Variants in SLC49A4 observed in about 807,000 individuals in gnomAD.
The protein encoded by SLC49A4 is solute carrier family 49 member 4.
A neutral mutation model predicts 50.6 loss-of-function variants in SLC49A4; 36 were observed. The ratio of observed to expected loss-of-function variants is 0.71; its 90% CI spans 0.55 to 0.94. The LOEUF (loss-of-function observed/expected upper bound fraction) is 0.94. Among genes scored for constraint, SLC49A4 ranks in the 40% least tolerant of loss-of-function variants. SLC49A4 has a pLI of 0.00. For missense variants in SLC49A4, 503 were observed against 605.7 expected (o/e 0.83, Z 1.78); for synonymous variants, 248 against 241.2 (o/e 1.03, Z -0.26).
chr3:122,856,494 A>G, intron 6 of SLC49A4, 120 bp downstream of exon 6: 1 of 900,246 alleles, frequency 1.1e-6, no homozygotes, highest in Middle Eastern at 2.3e-4. Context: ...AAAGGTCAGA[A>G]AGGGGTACTT....
At chr3:122,806,832 T>C (rs1200034005) in intron 1 of SLC49A4, 25 bp from the exon 2 acceptor site, 1 of 1,422,572 alleles carries the variant, frequency 7.0e-7, no homozygotes, top group African/African-American at 1.4e-5. Context: ...ATCAAGATAA[T>C]TTCAATGTCT....
intron 1 of SLC49A4, 118 bp downstream of exon 1, chr3:122,795,653 T>TA (rs932483325): frequency 2.0e-5 from 29 of 1,441,946 alleles, no homozygotes; most frequent in Admixed American, 3.2e-5. Context: ...TGTGAGGTGA[T>TA]AGAGTGTTGC....
At chr3:122,828,424 G>T (rs1266329014) in intron 3 of SLC49A4, among the ~76,000 whole-genome samples, 1 of 152,186 alleles carries the variant, frequency 6.6e-6, no homozygotes, top group Non-Finnish European at 1.5e-5. Flanking sequence ...AAATACAGTA[G>T]GCAGGAAGAT....
intron 8 of SLC49A4, among the ~76,000 whole-genome samples, chr3:122,878,288 C>G (rs1180612584): frequency 6.6e-6 from 1 of 152,166 alleles, no homozygotes; most frequent in Non-Finnish European, 1.5e-5. Flanking sequence ...TGAATTGAAA[C>G]TGCTGAATGG....
chr3:122,878,299 A>T (rs977850074), intron 8 of SLC49A4, among the ~76,000 whole-genome samples: 1 of 152,230 alleles, frequency 6.6e-6, no homozygotes, highest in Admixed American at 6.5e-5. Flanking sequence ...TGCTGAATGG[A>T]TATTAAACTA....
intron 2 of SLC49A4, among the ~76,000 whole-genome samples, chr3:122,819,819 A>G (rs1424394889): frequency 2.6e-5 from 4 of 151,444 alleles, no homozygotes; most frequent in Non-Finnish European, 5.9e-5. Flanking sequence ...CTATAAACAC[A>G]TGACTTTTTT....
chr3:122,816,464 C>A lies in SLC49A4; in HGVS notation c.437+9514C>A, dbSNP rs774044893. 8.4e-4 allele frequency among the ~76,000 whole-genome samples: 128 copies of A among 152,136 alleles called. 2 individuals carry two copies. The highest frequency in any genetic ancestry group is 3.2e-3 in the Middle Eastern group (1 of 316). On this transcript the variant is annotated intron_variant, in intron 2 of 8. Coordinates refer to ENST00000261038, the MANE Select transcript of SLC49A4 (RefSeq NM_032839.3). ...GTGGTATTGCTGCGGCCACAGGTCACCTGCCTTTTCTGCCTACAGCCTGAC... is the reference window on the plus strand; with the variant it reads ...GTGGTATTGCTGCGGCCACAGGTCAACTGCCTTTTCTGCCTACAGCCTGAC...
intron 6 of SLC49A4, among the ~76,000 whole-genome samples, chr3:122,859,157 C>T (rs921745989): frequency 5.3e-5 from 8 of 152,140 alleles, no homozygotes; most frequent in Admixed American, 5.2e-4. Context: ...CCCAGAGGGC[C>T]TTGTTGAACT....
intron 1 of SLC49A4, among the ~76,000 whole-genome samples, chr3:122,805,967 A>G (rs1384230389): frequency 2.0e-5 from 3 of 152,236 alleles, no homozygotes; most frequent in African/African-American, 7.2e-5. Flanking sequence ...ACCATCGGAT[A>G]AATCAAGAAA....
At chr3:122,850,655 A>C (rs1936914480) in intron 5 of SLC49A4, among the ~76,000 whole-genome samples, 1 of 151,984 alleles carries the variant, frequency 6.6e-6, no homozygotes, top group Non-Finnish European at 1.5e-5. Context: ...CTACAGGTGC[A>C]CACCACCACG....
At chr3:122,826,285 A>G (rs1316835876) in intron 2 of SLC49A4, among the ~76,000 whole-genome samples, 1 of 152,182 alleles carries the variant, frequency 6.6e-6, no homozygotes, top group Admixed American at 6.5e-5. Flanking sequence ...TGAAATGTTG[A>G]GCTCAACTAT....
intron 2 of SLC49A4, among the ~76,000 whole-genome samples, chr3:122,816,754 A>G (rs1231414067): frequency 5.3e-5 from 8 of 152,174 alleles, no homozygotes; most frequent in Non-Finnish European, 1.5e-5. Flanking sequence ...TGACCTTGAC[A>G]GTATAGTCAA....
intron 1 of SLC49A4, among the ~76,000 whole-genome samples, chr3:122,798,441 A>G (rs1936081297): frequency 6.6e-6 from 1 of 152,036 alleles, no homozygotes; most frequent in South Asian, 2.1e-4. Flanking sequence ...GGTGAATTCA[A>G]TTTTATATTT....
intron 1 of SLC49A4, among the ~76,000 whole-genome samples, chr3:122,805,114 G>A (rs1936196041): frequency 6.6e-6 from 1 of 152,056 alleles, no homozygotes; most frequent in Non-Finnish European, 1.5e-5. Context: ...AACATTTTGT[G>A]ATTTTAGGAT....
chr3:122,857,998 C>T (rs1287978863), intron 6 of SLC49A4, among the ~76,000 whole-genome samples: 2 of 152,134 alleles, frequency 1.3e-5, no homozygotes, highest in Non-Finnish European at 2.9e-5. Flanking sequence ...AAATACTACC[C>T]TTACTCTGGG....
intron 2 of SLC49A4, among the ~76,000 whole-genome samples, chr3:122,815,949 A>G (rs554925496): frequency 1.3e-5 from 2 of 152,278 alleles, no homozygotes; most frequent in South Asian, 2.1e-4. Flanking sequence ...CAAATGCTTA[A>G]TAGTCTTTTG....
At chr3:122,839,756 G>A (rs544850339) in intron 4 of SLC49A4, among the ~76,000 whole-genome samples, 185 of 152,286 alleles carry the variant, frequency 1.2e-3, no homozygotes, top group African/African-American at 4.2e-3. Flanking sequence ...TGACATGGAT[G>A]TGGTGAAAAG....
Position 122,795,114 on chromosome 3 carries a change from C to T in SLC49A4, c.-79C>T, listed in dbSNP as rs1935990329. 8.0e-6 allele frequency: 10 copies of T among 1,251,148 alleles called. No individual in the cohort carries two copies. The highest frequency in any genetic ancestry group is 1.0e-5 in the Non-Finnish European group (10 of 1,001,346). 77.5% of individuals were successfully genotyped at this position (1,251,148 alleles called of 1,614,324 possible). ...CCACAGCAGCCTCCGCCTCCTGCTG[C>T]TCAGGACTATTCTGCGCTGGGCTAG... On this transcript the variant is annotated 5_prime_UTR_variant, in exon 1 of 9. Coordinates refer to ENST00000261038, the MANE Select transcript of SLC49A4 (RefSeq NM_032839.3).
intron 2 of SLC49A4, among the ~76,000 whole-genome samples, chr3:122,811,189 T>A (rs1936292764): frequency 6.6e-6 from 1 of 152,200 alleles, no homozygotes; most frequent in African/African-American, 2.4e-5. Context: ...ATTCCTTAGT[T>A]CTTTGAAATC....
Sources: allele counts gnomAD v4.1 joint callset (sites outside exome capture counted in the v4.1 genomes callset), GRCh38; gene constraint gnomAD v4.1.1; transcripts MANE v1.5; gene names NCBI Gene and HGNC (gene_info 2026-07-23, HGNC 2026-07-21).